NHS: variants seen among roughly 807,000 people sequenced by gnomAD.
NHS encodes the protein actin remodeling regulator NHS.
Under a neutral mutation model 72.5 loss-of-function variants are expected in NHS, and 5 were observed. The observed-to-expected ratio is 0.07, with a 90% CI of 0.04 to 0.14. The LOEUF (loss-of-function observed/expected upper bound fraction) is 0.14. Among genes scored for constraint, NHS ranks in the 10% least tolerant of loss-of-function variants. The pLI is 1.00. For synonymous variants in NHS, 464 were observed against 547.7 expected (o/e 0.85, Z 2.13); for missense variants, 1,072 against 1,355.7 (o/e 0.79, Z 3.29).
intron 1 of NHS, among the ~76,000 whole-genome samples, chrX:17,671,743 G>A (rs1032367094): frequency 8.9e-6 from 1 of 111,912 alleles, no homozygotes; most frequent in Non-Finnish European, 1.9e-5. Flanking sequence ...ATTTAGGGAG[G>A]GGCTGTGATA....
At chrX:17,417,193 T>A (rs1229121056) in intron 1 of NHS, among the ~76,000 whole-genome samples, 5 of 110,575 alleles carry the variant, frequency 4.5e-5, no homozygotes, top group Non-Finnish European at 7.6e-5. Flanking sequence ...GGGTCAGAAA[T>A]TTTTTTTCTG....
intron 1 of NHS, among the ~76,000 whole-genome samples, chrX:17,585,237 C>T (rs2065568699): frequency 8.9e-6 from 1 of 112,231 alleles, no homozygotes. Context: ...CTTCTCTGTG[C>T]CTGTTTCCTC....
intron 1 of NHS, among the ~76,000 whole-genome samples, chrX:17,488,513 A>G (rs753665077): frequency 6.5e-4 from 72 of 111,540 alleles, no homozygotes; most frequent in African/African-American, 2.0e-3. Context: ...TAGAGCCAGC[A>G]TTTCTAACTT....
intron 1 of NHS, among the ~76,000 whole-genome samples, chrX:17,561,350 G>C (rs1173623532): frequency 9.0e-6 from 1 of 110,763 alleles, no homozygotes; most frequent in African/African-American, 3.3e-5. Context: ...ACCTTTGCCA[G>C]ATCATCCACT....
intron 1 of NHS, among the ~76,000 whole-genome samples, chrX:17,632,969 G>A (rs2065827499): frequency 8.9e-6 from 1 of 112,171 alleles, no homozygotes; most frequent in South Asian, 3.7e-4. Context: ...CTTATTAAAT[G>A]TTTGTTGAGT....
At position 17,504,134 on chromosome X, in the gene NHS, C is replaced by CT. The variant is rs1341129527; in HGVS notation, c.565+127815dup. On this transcript the variant is annotated intron_variant, in intron 1 of 8. Transcript: ENST00000676302. ...CCCTTGTCTTACCAGGAAATCTACT[C>CT]TTTGAGCAGCATTTTATTAGCATCC... 2.7e-5 allele frequency among the ~76,000 whole-genome samples: 3 copies of CT among 112,156 alleles called. No homozygotes were observed. In the East Asian group the frequency reaches 8.4e-4, roughly 31 times the overall value.
intron 1 of NHS, among the ~76,000 whole-genome samples, chrX:17,573,669 C>T (rs140466604): frequency 0.036 from 3,942 of 110,616 alleles, 83 homozygotes; most frequent in Non-Finnish European, 0.056. Flanking sequence ...CTTCTGAAGC[C>T]TACTTCTGTC....
At position 17,729,925 on chromosome X, in the gene NHS, C is replaced by T. The variant is rs775271056; in HGVS notation, c.4349+1150C>T. Among the ~76,000 whole-genome samples, 7 of 112,327 alleles carry T rather than the reference C, an allele frequency of 6.2e-5. No homozygotes were observed. In the South Asian group the frequency reaches 2.6e-3, roughly 42 times the overall value. ...ACAATCTTTTTCTCCTGGAATTCTA[C>T]TTTTTATAGGAATTTCTGTTTTCTG... On this transcript the variant is annotated intron_variant, in intron 8 of 8. Transcript: ENST00000676302.
chrX:17,684,842 A>G (rs1010517754), intron 1 of NHS, among the ~76,000 whole-genome samples: 2 of 112,304 alleles, frequency 1.8e-5, no homozygotes, highest in East Asian at 2.8e-4. Context: ...CCTATCACAC[A>G]GTGGCCCCTG....
intron 1 of NHS, among the ~76,000 whole-genome samples, chrX:17,683,659 T>C (rs2066142351): frequency 8.9e-6 from 1 of 111,927 alleles, no homozygotes; most frequent in Non-Finnish European, 1.9e-5. Context: ...GAACTTGGCA[T>C]ATGGTTGGAG....
chrX:17,564,467 T>C (rs370267103), intron 1 of NHS, among the ~76,000 whole-genome samples: 1 of 112,015 alleles, frequency 8.9e-6, no homozygotes. Context: ...CCAGCACTTA[T>C]TGTACTGTCC....
At chrX:17,672,479 G>A (rs1911291441) in intron 1 of NHS, among the ~76,000 whole-genome samples, 1 of 112,662 alleles carries the variant, frequency 8.9e-6, no homozygotes, top group Non-Finnish European at 1.9e-5. Flanking sequence ...ATATAGTTTA[G>A]CTTTGTGCCC....
intron 1 of NHS, among the ~76,000 whole-genome samples, chrX:17,432,485 G>A (rs1453285144): frequency 8.9e-6 from 1 of 112,637 alleles, no homozygotes; most frequent in Non-Finnish European, 1.9e-5. Flanking sequence ...TCCCACTTGG[G>A]AGCAATCCAC....
At chrX:17,663,895 T>C (rs2147094691) in intron 1 of NHS, among the ~76,000 whole-genome samples, 1 of 112,119 alleles carries the variant, frequency 8.9e-6, no homozygotes, top group East Asian at 2.8e-4. Context: ...GCCATTCTAA[T>C]GGATATGAAA....
intron 1 of NHS, among the ~76,000 whole-genome samples, chrX:17,495,319 G>A (rs1418441116): frequency 2.7e-5 from 3 of 111,600 alleles, no homozygotes; most frequent in African/African-American, 9.8e-5. Context: ...TATAAAAATT[G>A]CCCTTTAGAG....
intron 1 of NHS, among the ~76,000 whole-genome samples, chrX:17,507,798 T>G (rs939426376): frequency 3.6e-5 from 4 of 111,618 alleles, no homozygotes; most frequent in Non-Finnish European, 5.6e-5. Context: ...TGATTAGCCC[T>G]TTTTATTAGG....
intron 1 of NHS, among the ~76,000 whole-genome samples, chrX:17,473,462 A>G (rs770527699): frequency 8.9e-6 from 1 of 112,821 alleles, no homozygotes; most frequent in South Asian, 3.7e-4. Flanking sequence ...AAATGTAGTT[A>G]GTGCGATTGA....
intron 1 of NHS, among the ~76,000 whole-genome samples, chrX:17,684,001 C>A (rs2066144472): frequency 9.0e-6 from 1 of 111,720 alleles, no homozygotes; most frequent in African/African-American, 3.3e-5. Flanking sequence ...ATCATGGGGG[C>A]TGGTTTTTCC....
At chrX:17,378,309 T>C (rs868285188) in intron 1 of NHS, among the ~76,000 whole-genome samples, 1 of 111,779 alleles carries the variant, frequency 8.9e-6, no homozygotes, top group Non-Finnish European at 1.9e-5. Context: ...ATATATACTC[T>C]ATACATATTT....
Sources: gnomAD v4.1 joint callset for allele counts (sites outside exome capture counted in the v4.1 genomes callset) on GRCh38, gnomAD v4.1.1 for gene constraint, MANE v1.5 for transcripts, NCBI Gene and HGNC (gene_info 2026-07-23, HGNC 2026-07-21) for gene names.